The following LRRC4C variants were observed in gnomAD, a reference collection of about 807,000 sequenced individuals.
The protein encoded by LRRC4C is leucine rich repeat containing 4C.
In LRRC4C, 5 loss-of-function variants were observed where a neutral mutation model predicts 33.6. That is an observed-to-expected ratio of 0.15 (90% CI 0.08 to 0.31). The LOEUF is 0.31. Ranked by LOEUF, LRRC4C falls within the 10% of genes least tolerant of loss-of-function variation. LRRC4C has a pLI of 1.00. For synonymous variants in LRRC4C, 329 were observed against 302.0 expected (o/e 1.09, Z -0.93); for missense variants, 560 against 796.7 (o/e 0.70, Z 3.58).
chr11:41,437,261 T>G (rs1388275775), intron 1 of LRRC4C, among the ~76,000 whole-genome samples: 2 of 152,190 alleles, frequency 1.3e-5, no homozygotes, highest in African/African-American at 4.8e-5. Flanking sequence ...CTGACAAGAA[T>G]GGTGTCAACG....
intron 2 of LRRC4C, among the ~76,000 whole-genome samples, chr11:40,685,536 A>G (rs1454518551): frequency 4.6e-5 from 7 of 151,992 alleles, no homozygotes; most frequent in Non-Finnish European, 8.8e-5. Flanking sequence ...TAAGATTTTT[A>G]TAACTATAAA....
intron 1 of LRRC4C, among the ~76,000 whole-genome samples, chr11:41,322,964 G>C (rs1193661258): frequency 6.6e-6 from 1 of 151,950 alleles, no homozygotes; most frequent in East Asian, 1.9e-4. Context: ...AACATTACAT[G>C]GTCCTGGCTA....
At chr11:40,271,201 T>A (rs1165902740) in intron 4 of LRRC4C, among the ~76,000 whole-genome samples, 1 of 152,140 alleles carries the variant, frequency 6.6e-6, no homozygotes, top group Non-Finnish European at 1.5e-5. Flanking sequence ...CAGTTCCCAA[T>A]ACCCCTTCCC....
At chr11:41,041,110 G>A (rs1469926959) in intron 1 of LRRC4C, among the ~76,000 whole-genome samples, 3 of 151,440 alleles carry the variant, frequency 2.0e-5, no homozygotes, top group African/African-American at 4.9e-5. Flanking sequence ...GAGAACCATC[G>A]TATTTGAACT....
At chr11:40,429,950 C>A (rs904852691) in intron 3 of LRRC4C, among the ~76,000 whole-genome samples, 1 of 152,070 alleles carries the variant, frequency 6.6e-6, no homozygotes, top group Non-Finnish European at 1.5e-5. Context: ...ACATTATTCT[C>A]ATTAGTTTCA....
chr11:40,416,796 T>C (rs192858780), intron 3 of LRRC4C, among the ~76,000 whole-genome samples: 1 of 152,318 alleles, frequency 6.6e-6, no homozygotes, highest in Admixed American at 6.5e-5. Context: ...ATGGACCACT[T>C]TTTCTGAACA....
At position 40,567,338 on chromosome 11, in the gene LRRC4C, A is replaced by G. The variant is rs144894612; in HGVS notation, c.-270+80804T>C. Among the ~76,000 whole-genome samples the G allele has an allele frequency of 1.8e-3, 281 of 152,318 alleles. 1 individual carries two copies. The highest frequency in any genetic ancestry group is 6.4e-3 in the African/African-American group (264 of 41,570). On this transcript the variant is annotated intron_variant, in intron 3 of 6. Transcript: ENST00000528697. ...ATGAAAAAGGGCCAAGTACAGAAAA[A>G]AAAGGCAATGCAAGCCAGGCAAAGA...
At chr11:40,488,825 C>T (rs1195858396) in intron 3 of LRRC4C, among the ~76,000 whole-genome samples, 1 of 152,124 alleles carries the variant, frequency 6.6e-6, no homozygotes, top group East Asian at 1.9e-4. Context: ...AGCTCATCCT[C>T]ACCTCATGAA....
intron 2 of LRRC4C, among the ~76,000 whole-genome samples, chr11:40,721,136 A>T (rs1391904289): frequency 1.3e-5 from 2 of 152,170 alleles, no homozygotes; most frequent in Admixed American, 1.3e-4. Context: ...TATGGACTGA[A>T]TGCTTGTATC....
At chr11:40,710,124 T>C (rs1209298893) in intron 2 of LRRC4C, among the ~76,000 whole-genome samples, 1 of 152,192 alleles carries the variant, frequency 6.6e-6, no homozygotes, top group Non-Finnish European at 1.5e-5. Flanking sequence ...TTCTTTGCGA[T>C]GGGTTTGAAC....
intron 1 of LRRC4C, among the ~76,000 whole-genome samples, chr11:41,094,340 A>G (rs748932276): frequency 4.6e-5 from 7 of 151,914 alleles, no homozygotes; most frequent in African/African-American, 1.5e-4. Context: ...CCTGGCTAAC[A>G]CGGTGAAACC....
intron 2 of LRRC4C, among the ~76,000 whole-genome samples, chr11:40,798,133 G>A (rs1950905371): frequency 6.6e-6 from 1 of 152,168 alleles, no homozygotes; most frequent in Admixed American, 6.5e-5. Context: ...AAGGGCTGGA[G>A]CAGAGGTCTG....
intron 1 of LRRC4C, among the ~76,000 whole-genome samples, chr11:41,156,770 G>A (rs968990984): frequency 3.9e-5 from 6 of 152,046 alleles, no homozygotes; most frequent in African/African-American, 1.4e-4. Flanking sequence ...CCTTACTGGG[G>A]AGGTGAGATT....
chr11:40,362,959 G>C (rs1294495149), intron 3 of LRRC4C, among the ~76,000 whole-genome samples: 1 of 152,190 alleles, frequency 6.6e-6, no homozygotes, highest in African/African-American at 2.4e-5. Flanking sequence ...CTTACACGCT[G>C]TTGGTGGGGG....
chr11:40,213,984 A>C (rs1863791181), intron 5 of LRRC4C, among the ~76,000 whole-genome samples: 1 of 152,176 alleles, frequency 6.6e-6, no homozygotes, highest in Non-Finnish European at 1.5e-5. Flanking sequence ...ACAGCTAGAA[A>C]ATGGCAATAA....
rs539875536 is a variant in LRRC4C, at chr11:41,073,973, G to A, written c.-495-140250C>T. ...GCATTGTTTTAGTAACTATTGTTTTGCAGAATATGTGAACAACTGCCCTCT... is the reference window on the plus strand; with the variant it reads ...GCATTGTTTTAGTAACTATTGTTTTACAGAATATGTGAACAACTGCCCTCT... On this transcript the variant is annotated intron_variant, in intron 1 of 6. Transcript: ENST00000528697. 1.2e-4 allele frequency among the ~76,000 whole-genome samples: 19 copies of A among 152,172 alleles called. No homozygotes were observed. In the South Asian group the frequency reaches 3.7e-3, roughly 30 times the overall value.
intron 1 of LRRC4C, among the ~76,000 whole-genome samples, chr11:41,034,575 C>T: frequency 1.6e-5 from 2 of 125,024 alleles, no homozygotes; most frequent in Non-Finnish European, 3.3e-5. Flanking sequence ...AAAAATTTGT[C>T]TTTTGTTGTT....
intron 2 of LRRC4C, among the ~76,000 whole-genome samples, chr11:40,749,065 C>T (rs1948564069): frequency 6.6e-6 from 1 of 151,978 alleles, no homozygotes; most frequent in South Asian, 2.1e-4. Flanking sequence ...GACAGATCAT[C>T]TAGAAAGAAA....
At chr11:40,573,646 A>C (rs1228392570) in intron 3 of LRRC4C, among the ~76,000 whole-genome samples, 1 of 152,190 alleles carries the variant, frequency 6.6e-6, no homozygotes, top group Non-Finnish European at 1.5e-5. Context: ...TTCCATAAAC[A>C]ATTGTTTTCT....
Sources: gnomAD v4.1 joint callset for allele counts (sites outside exome capture counted in the v4.1 genomes callset) on GRCh38, gnomAD v4.1.1 for gene constraint, MANE v1.5 for transcripts, NCBI Gene and HGNC (gene_info 2026-07-23, HGNC 2026-07-21) for gene names.